VPS4A: variants seen among roughly 807,000 people sequenced by gnomAD.
VPS4A encodes the protein vacuolar protein sorting 4 homolog A.
A neutral mutation model predicts 52.3 loss-of-function variants in VPS4A; 20 were observed. The ratio of observed to expected loss-of-function variants is 0.38; its 90% confidence interval spans 0.27 to 0.56. The LOEUF is 0.56. VPS4A is among the 20% of genes least tolerant of loss of function. VPS4A has a pLI of 0.72. For missense variants in VPS4A, 419 were observed against 575.9 expected, an observed-to-expected ratio of 0.73 and a Z score of 2.79; for synonymous variants, 293 against 227.7, an observed-to-expected ratio of 1.29 and a Z score of -2.58.
rs896216096 is a variant in VPS4A at position 69,321,440 on chromosome 16, C to T, written c.1071+170C>T. Reference sequence around the variant, plus strand: ...ATGGGGGCTGCACCCACTGTCCCCTCCCTGCAGCTCTTCTGGAGTGTGGCC... The same window carrying T: ...ATGGGGGCTGCACCCACTGTCCCCTTCCTGCAGCTCTTCTGGAGTGTGGCC... On this transcript the variant is annotated intron_variant, in intron 9 of 10. Coordinates refer to ENST00000254950, the MANE Select transcript of VPS4A (RefSeq NM_013245.3). The surrounding 1 kb of genome is among the most constrained non-coding windows in gnomAD (Gnocchi z 4.5). 48 of 685,594 alleles carry T rather than the reference C, an allele frequency of 7.0e-5. No individual in the cohort carries two copies. Among genetic ancestry groups the T allele is most frequent in the Non-Finnish European group, 9.7e-5 (40 of 412,398 alleles). 42.5% of individuals were successfully genotyped at this position (685,594 alleles called of 1,614,324 possible).
chr16:69,320,597 T>C lies in VPS4A; in HGVS notation c.770-91T>C. 8.7e-7 allele frequency: 1 copy of C among 1,146,306 alleles called. No homozygotes were observed. The highest frequency in any genetic ancestry group is 2.6e-5 in the East Asian group (1 of 38,954). 71.0% of individuals were successfully genotyped at this position (1,146,306 alleles called of 1,614,324 possible). A position where few individuals can be genotyped will look rare whatever the true frequency, so the allele number is the denominator to read the frequency against. On this transcript the variant is annotated intron_variant, in intron 7 of 10. Transcript: ENST00000254950. The surrounding 1 kb of genome is among the most constrained non-coding windows in gnomAD (Gnocchi z 4.2). ...GTGGCACAGGGATGGCTTCAATTGC[T>C]GACACACAAAGCCCCCGGGGTCTGT...
rs1278100516 is a variant in VPS4A, at chr16:69,326,420, C to T, written c.*2111C>T. Reference sequence around the variant, plus strand: ...GATATGAACCGTGTCTGCAGAGCTTCACTTTAGTGAGCTTACAAGTTTTTA... The same window carrying T: ...GATATGAACCGTGTCTGCAGAGCTTTACTTTAGTGAGCTTACAAGTTTTTA... On this transcript the variant is annotated 3_prime_UTR_variant, in exon 11 of 11. Transcript: ENST00000254950. The T allele has an allele frequency of 6.6e-6, 1 of 152,250 alleles. No individual in the cohort carries two copies. The highest frequency in any genetic ancestry group is 1.5e-5 in the Non-Finnish European group (1 of 68,048). 9.4% of individuals were successfully genotyped at this position (152,250 alleles called of 1,614,324 possible).
rs1965496385 is a variant in VPS4A at position 69,320,416 on chromosome 16, T to A, written c.769+127T>A. 1 of 1,379,892 alleles carries A rather than the reference T, an allele frequency of 7.2e-7. No homozygotes were observed. The highest frequency in any genetic ancestry group is 1.4e-5 in the African/African-American group (1 of 69,190). 85.5% of individuals were successfully genotyped at this position (1,379,892 alleles called of 1,614,324 possible). On this transcript the variant is annotated intron_variant, in intron 7 of 10. Transcript: ENST00000254950. The surrounding 1 kb of genome is among the most constrained non-coding windows in gnomAD (Gnocchi z 4.2). The stretch of plus-strand genomic sequence containing the variant: ...AGAGGCACTCCCCAGCTCCAGCCCC[T>A]CAGGGCACGGGTGGACTTCAATTCC...
At chr16:69,317,772 G>A (rs1438849350) in intron 3 of VPS4A, among the ~76,000 whole-genome samples, 11 of 151,644 alleles carry the variant, frequency 7.3e-5, no homozygotes, top group South Asian at 2.1e-4. Context: ...CAGCCTGGGC[G>A]ACTGAGTGCG....
Position 69,311,552 on chromosome 16 carries a change from C to A in VPS4A, c.21+20C>A. ...CTCCAGGTACTTCGTGCGGCCCGGC[C>A]CGACTTCGGAGGCCGAAGGCAGCGG... On this transcript the variant is annotated intron_variant, in intron 1 of 10. Transcript: ENST00000254950. The A allele has an allele frequency of 7.6e-7, 1 of 1,310,068 alleles. No individual in the cohort carries two copies. The highest frequency in any genetic ancestry group is 2.4e-5 in the South Asian group (1 of 42,496). 81.2% of individuals were successfully genotyped at this position (1,310,068 alleles called of 1,614,324 possible).
In VPS4A at chr16:69,320,950, C is replaced by A; in HGVS notation, c.852-101C>A. 1 of 1,305,714 alleles carries A rather than the reference C, an allele frequency of 7.7e-7. No homozygotes were observed. Among genetic ancestry groups the A allele is most frequent in the Non-Finnish European group, 1.1e-6 (1 of 933,782 alleles). The allele number at this position is 1,305,714 out of a possible 1,614,324, so 80.9% of individuals were successfully genotyped here. A position where few individuals can be genotyped will look rare whatever the true frequency, so the allele number is the denominator to read the frequency against. ...AGGATGTGCCGCCAGCATCACTGGC[C>A]CATGAAATGCGTCCGTTTCACTCAA... is the stretch of plus-strand genomic sequence containing the variant. On this transcript the variant is annotated intron_variant, in intron 8 of 10. Transcript: ENST00000254950. This position sits in a 1 kb window ranked among gnomAD's most constrained non-coding sequence, Gnocchi z 4.2.
chr16:69,320,230 A>C lies in VPS4A; in HGVS notation c.710A>C (p.Asn237Thr). 1 of 1,614,008 alleles carries C rather than the reference A, an allele frequency of 6.2e-7. No individual in the cohort carries two copies. The highest frequency in any genetic ancestry group is 8.5e-7 in the Non-Finnish European group (1 of 1,179,876). ...DEVDSLCGSR[N>T]ENESEAARRI... ...GTGGATTCCCTCTGCGGGTCCCGAA[A>C]TGAAAATGAGAGTGAGGCCGCCCGG... Residue 237 changes from asparagine (N) to threonine (T), a missense_variant, in exon 7 of 11, where the codon AAT (asparagine) becomes ACT (threonine). Physicochemically the swap from Asn to Thr is moderately conservative, Grantham distance 65 (BLOSUM62 0). This residue lies in a region of VPS4A where 103 missense variants were observed against 210.3 expected (regional missense o/e 0.49). Coordinates refer to ENST00000254950, the MANE Select transcript of VPS4A (RefSeq NM_013245.3). The surrounding 1 kb of genome is among the most constrained non-coding windows in gnomAD (Gnocchi z 4.2).
intron 1 of VPS4A, 110 bp downstream of exon 1, chr16:69,311,642 T>C (rs1164737138): frequency 9.0e-7 from 1 of 1,105,102 alleles, no homozygotes; most frequent in Admixed American, 4.5e-5. Context: ...AGCCCCGGCC[T>C]CGCGACCCCG....
chr16:69,311,904 T>C (rs1965382234), intron 1 of VPS4A, among the ~76,000 whole-genome samples: 2 of 151,900 alleles, frequency 1.3e-5, no homozygotes, highest in Non-Finnish European at 2.9e-5. Flanking sequence ...CCTGTCTCGC[T>C]CCCTCCTCTC....
intron 1 of VPS4A, among the ~76,000 whole-genome samples, chr16:69,312,537 G>A (rs1034287770): frequency 2.6e-5 from 4 of 152,180 alleles, no homozygotes; most frequent in Non-Finnish European, 5.9e-5. Flanking sequence ...CGTCTGCCCA[G>A]GCAGGTTTTT....
Position 69,321,137 on chromosome 16 carries a change from A to G in VPS4A, c.938A>G (p.Asn313Ser), listed in dbSNP as rs188288592. Residue 313 changes from asparagine (N) to serine (S), a missense_variant, in exon 9 of 11, where the codon AAC becomes AGC. Physicochemically the swap from Asn to Ser is conservative, Grantham distance 46. Around this residue, in one of 3 missense-constraint regions of VPS4A, gnomAD observed 185 missense variants for 200.2 expected, o/e 0.92. Coordinates refer to ENST00000254950, the MANE Select transcript of VPS4A (RefSeq NM_013245.3). The surrounding 1 kb of genome is among the most constrained non-coding windows in gnomAD (Gnocchi z 4.5). Reference protein sequence around the residue: ...FRLHLGSTPHNLTDANIHELA... With the variant: ...FRLHLGSTPHSLTDANIHELA... ...TTGCATCTCGGGAGCACTCCCCACAACCTCACGGATGCAAACATCCACGAG... is the reference window on the plus strand; with the variant it reads ...TTGCATCTCGGGAGCACTCCCCACAGCCTCACGGATGCAAACATCCACGAG... The G allele has an allele frequency of 4.4e-4, 705 of 1,590,250 alleles. 5 individuals carry two copies. The East Asian group carries it at 0.013, about 29-fold the overall frequency.
chr16:69,313,795 C>T (rs930220966), intron 1 of VPS4A, among the ~76,000 whole-genome samples: 15 of 152,112 alleles, frequency 9.9e-5, no homozygotes, highest in Non-Finnish European at 2.2e-4. Context: ...TTACAGTAAG[C>T]ATTTGCCAGC....
chr16:69,320,672 C>T lies in VPS4A; in HGVS notation c.770-16C>T. 1 of 1,588,962 alleles carries T rather than the reference C, an allele frequency of 6.3e-7. No homozygotes were observed. Among genetic ancestry groups the T allele is most frequent in the Non-Finnish European group, 8.6e-7 (1 of 1,167,340 alleles). The stretch of plus-strand genomic sequence containing the variant: ...AGGTGTCCAGAGTCTGAGTCTTTGT[C>T]TCCCTTTCTCCACAGGGGTGGGGAA... On this transcript the variant is annotated splice_polypyrimidine_tract_variant and intron_variant, in intron 7 of 10. Transcript: ENST00000254950. This position sits in a 1 kb window ranked among gnomAD's most constrained non-coding sequence, Gnocchi z 4.2.
At position 69,320,006 on chromosome 16, in the gene VPS4A, A is replaced by G. The variant is rs1441814491; in HGVS notation, c.621-135A>G. 1 of 1,251,134 alleles carries G rather than the reference A, an allele frequency of 8.0e-7. No homozygotes were observed. 77.5% of individuals were successfully genotyped at this position (1,251,134 alleles called of 1,614,324 possible). On this transcript the variant is annotated intron_variant, in intron 6 of 10. Coordinates refer to ENST00000254950, the MANE Select transcript of VPS4A (RefSeq NM_013245.3). This position sits in a 1 kb window ranked among gnomAD's most constrained non-coding sequence, Gnocchi z 4.2. ...CAGTGTGGCCCGAGGGCTCCTCACC[A>G]CCACGTTTTCCGCAATTCCGGCATG... is the stretch of plus-strand genomic sequence containing the variant.
intron 9 of VPS4A, 173 bp from the exon 10 acceptor site, chr16:69,322,387 C>G (rs929594232): frequency 3.5e-6 from 2 of 578,132 alleles, no homozygotes; most frequent in Admixed American, 3.2e-5. Context: ...GCCAGAGTCC[C>G]ATGCAAATCA....
At chr16:69,323,143 C>CAAA (rs1038098153) in intron 10 of VPS4A, 1 of 162,436 alleles carries the variant, frequency 6.2e-6, no homozygotes, top group African/African-American at 2.4e-5. Context: ...GCTGGCATTA[C>CAAA]ACTCACTGGG....
rs771844822 is a variant in VPS4A at position 69,318,828 on chromosome 16, G to A, written c.349G>A (p.Val117Ile). 80 of 1,612,998 alleles carry A rather than the reference G, an allele frequency of 5.0e-5. No homozygotes were observed. In the Middle Eastern group the frequency reaches 1.2e-3, roughly 23 times the overall value. ...GGCCGGCCTCCCTCTCGCAGGTGCC[G>A]TCGTGATGGAGAAGCCCAACATACG... Reference protein sequence around the residue: ...KKLQEQLMGAVVMEKPNIRWN... With the variant: ...KKLQEQLMGAIVMEKPNIRWN... Residue 117 changes from valine (V) to isoleucine (I), a missense_variant, in exon 5 of 11, where the codon GTC (valine) becomes ATC (isoleucine). Transcript: ENST00000254950.
Position 69,320,187 on chromosome 16 carries a change from A to G in VPS4A, c.667A>G (p.Ile223Val). 6.2e-7 allele frequency: 1 copy of G among 1,613,868 alleles called. No individual in the cohort carries two copies. Among genetic ancestry groups the G allele is most frequent in the Non-Finnish European group, 8.5e-7 (1 of 1,179,818 alleles). ...GCTGGCCAGGCAGCACAAGCCCTCC[A>G]TCATCTTCATCGATGAGGTGGATTC... ...FELARQHKPS[I>V]IFIDEVDSLC... is the part of the protein sequence containing the mutation. The change falls in exon 7 of 11, where the codon ATC becomes GTC. Residue 223 changes from isoleucine to valine, a missense_variant. Physicochemically the swap from Ile to Val is conservative, Grantham distance 29. Transcript: ENST00000254950. The surrounding 1 kb of genome is among the most constrained non-coding windows in gnomAD (Gnocchi z 4.2).
At chr16:69,314,188 A>G (rs1291093974) in intron 1 of VPS4A, among the ~76,000 whole-genome samples, 1 of 151,570 alleles carries the variant, frequency 6.6e-6, no homozygotes, top group African/African-American at 2.4e-5. Flanking sequence ...GATGGTCTCA[A>G]TCTCCTGACC....
Sources: allele counts gnomAD v4.1 joint callset (sites outside exome capture counted in the v4.1 genomes callset), GRCh38; gene constraint gnomAD v4.1.1; regional missense constraint gnomAD v4.1.1; non-coding constraint Gnocchi (gnomAD v3.1); transcripts MANE v1.5; gene names NCBI Gene and HGNC (gene_info 2026-07-23, HGNC 2026-07-21).